Variants in BTBD9 observed in about 807,000 individuals in gnomAD.
BTBD9 encodes BTB domain containing 9.
In BTBD9, 49 loss-of-function variants were observed where a neutral mutation model predicts 64.3. The ratio of observed to expected loss-of-function variants is 0.76; its 90% CI spans 0.61 to 0.97. The LOEUF (loss-of-function observed/expected upper bound fraction) is 0.97, where lower values mean the gene tolerates loss of function less well. BTBD9 is among the 50% of genes least tolerant of loss of function. BTBD9 has a pLI of 0.00. For synonymous variants in BTBD9, 260 were observed against 274.7 expected (o/e 0.95, Z 0.53); for missense variants, 598 against 762.1 (o/e 0.78, Z 2.53).
chr6:38,288,217 A>C, intron 8 of BTBD9, 55 bp downstream of exon 8: 3 of 1,511,940 alleles, frequency 2.0e-6, no homozygotes, highest in Non-Finnish European at 1.8e-6. Context: ...CCAAAATACA[A>C]TCTATATGTG....
chr6:38,441,446 G>C (rs982572062), intron 6 of BTBD9, among the ~76,000 whole-genome samples: 1 of 152,048 alleles, frequency 6.6e-6, no homozygotes, highest in Non-Finnish European at 1.5e-5. Flanking sequence ...TTTAGAGAGG[G>C]GGTCCCAGTC....
chr6:38,539,582 C>G (rs1243870745), intron 6 of BTBD9, among the ~76,000 whole-genome samples: 2 of 152,152 alleles, frequency 1.3e-5, no homozygotes, highest in Admixed American at 1.3e-4. Flanking sequence ...ACTTGCAAAC[C>G]ACTACTAGTT....
intron 7 of BTBD9, among the ~76,000 whole-genome samples, chr6:38,317,869 A>C (rs894952575): frequency 6.6e-6 from 1 of 150,426 alleles, no homozygotes; most frequent in Non-Finnish European, 1.5e-5. Context: ...TCTTTGTTAA[A>C]TGTATCTGAT....
At chr6:38,384,590 G>A (rs1002230447) in intron 6 of BTBD9, among the ~76,000 whole-genome samples, 1 of 152,128 alleles carries the variant, frequency 6.6e-6, no homozygotes, top group Non-Finnish European at 1.5e-5. Flanking sequence ...TTCACAACTA[G>A]TATTTCCTAA....
At chr6:38,439,084 G>C (rs1268814515) in intron 6 of BTBD9, among the ~76,000 whole-genome samples, 1 of 149,296 alleles carries the variant, frequency 6.7e-6, no homozygotes, top group Non-Finnish European at 1.5e-5. Flanking sequence ...ATAATGTGGG[G>C]TCTTGTAGGC....
At chr6:38,215,322 G>A (rs1762976454) in intron 9 of BTBD9, among the ~76,000 whole-genome samples, 2 of 152,146 alleles carry the variant, frequency 1.3e-5, no homozygotes, top group South Asian at 4.1e-4. Context: ...TGTTCCTGCA[G>A]ATCTGAACAT....
intron 1 of BTBD9, among the ~76,000 whole-genome samples, chr6:38,618,764 C>T (rs2127520957): frequency 6.6e-6 from 1 of 152,324 alleles, no homozygotes; most frequent in South Asian, 2.1e-4. Context: ...TTCAGCCTCA[C>T]TTAGGGAGAT....
intron 9 of BTBD9, among the ~76,000 whole-genome samples, chr6:38,251,260 T>G (rs935313721): frequency 1.3e-5 from 2 of 148,958 alleles, no homozygotes; most frequent in African/African-American, 5.0e-5. Context: ...ATAAAAGAGG[T>G]GTGATTTTTT....
chr6:38,344,899 T>A (rs1764222180), intron 7 of BTBD9, 85 bp downstream of exon 7: 2 of 874,108 alleles, frequency 2.3e-6, no homozygotes, highest in Non-Finnish European at 3.5e-6. Flanking sequence ...TCCTTAGAAC[T>A]GATTAAGATA....
At chr6:38,473,050 T>C (rs557290756) in intron 6 of BTBD9, among the ~76,000 whole-genome samples, 1 of 152,256 alleles carries the variant, frequency 6.6e-6, no homozygotes, top group East Asian at 1.9e-4. Context: ...GAAGTGAGGA[T>C]TGGCTGGGGA....
chr6:38,603,285 A>C (rs571907167), intron 1 of BTBD9, among the ~76,000 whole-genome samples: 1 of 152,344 alleles, frequency 6.6e-6, no homozygotes, highest in African/African-American at 2.4e-5. Context: ...TGGCACAGAA[A>C]CTATACTATT....
At chr6:38,274,021 C>T (rs1765284001) in intron 8 of BTBD9, among the ~76,000 whole-genome samples, 1 of 152,178 alleles carries the variant, frequency 6.6e-6, no homozygotes, top group Non-Finnish European at 1.5e-5. Flanking sequence ...TCTTCTTGTC[C>T]ACAATTTCAG....
intron 7 of BTBD9, among the ~76,000 whole-genome samples, chr6:38,329,254 T>C (rs1010848418): frequency 6.6e-6 from 1 of 151,912 alleles, no homozygotes; most frequent in Admixed American, 6.6e-5. Flanking sequence ...TGTTCCTGAA[T>C]ATTCCTTTAG....
intron 7 of BTBD9, among the ~76,000 whole-genome samples, chr6:38,320,675 T>C (rs1763198321): frequency 6.6e-6 from 1 of 152,186 alleles, no homozygotes. Context: ...TCTCCCTGCC[T>C]TTTTATGAAT....
chr6:38,345,971 T>C (rs533626387), intron 6 of BTBD9, among the ~76,000 whole-genome samples: 1 of 152,230 alleles, frequency 6.6e-6, no homozygotes, highest in East Asian at 1.9e-4. Flanking sequence ...CCATGAGGGA[T>C]GTGCCACACA....
chr6:38,310,133 A>C (rs1762775585), intron 7 of BTBD9, among the ~76,000 whole-genome samples: 1 of 152,218 alleles, frequency 6.6e-6, no homozygotes, highest in Non-Finnish European at 1.5e-5. Context: ...TCGAAGAAAC[A>C]CACCAGGGGG....
intron 7 of BTBD9, among the ~76,000 whole-genome samples, chr6:38,312,443 C>T (rs1356433851): frequency 6.6e-6 from 1 of 152,096 alleles, no homozygotes; most frequent in Non-Finnish European, 1.5e-5. Context: ...CTTTGGTTGC[C>T]TGTGCTTGTG....
intron 9 of BTBD9, among the ~76,000 whole-genome samples, chr6:38,219,129 C>CTTTTTTTTTTTTTT (rs5875622): frequency 1.4e-5 from 1 of 70,894 alleles, no homozygotes; most frequent in African/African-American, 6.3e-5. Context: ...ACTTTCTTTT[C>CTTTTTTTTTTTTTT]TTTTTTTTTT....
At chr6:38,599,955 C>T (rs1342412527) in intron 1 of BTBD9, among the ~76,000 whole-genome samples, 1 of 152,204 alleles carries the variant, frequency 6.6e-6, no homozygotes, top group African/African-American at 2.4e-5. Context: ...AGGATAATCC[C>T]TTAACTGCCA....
Sources: gnomAD v4.1 joint callset for allele counts (sites outside exome capture counted in the v4.1 genomes callset) on GRCh38, gnomAD v4.1.1 for gene constraint, MANE v1.5 for transcripts, NCBI Gene and HGNC (gene_info 2026-07-23, HGNC 2026-07-21) for gene names.